Variants in GBF1 observed in about 807,000 individuals in gnomAD.
GBF1 encodes the protein Golgi-specific brefeldin A-resistance guanine nucleotide exchange factor 1.
Under a neutral mutation model 210.5 loss-of-function variants are expected in GBF1, and 114 were observed. The ratio of observed to expected loss-of-function variants is 0.54; its 90% CI spans 0.47 to 0.63. The LOEUF (loss-of-function observed/expected upper bound fraction) is 0.63. Among genes scored for constraint, GBF1 ranks in the 30% least tolerant of loss-of-function variants. The pLI, the probability that GBF1 is intolerant of heterozygous loss-of-function variation, is 0.00. For synonymous variants in GBF1, 850 were observed against 889.2 expected, an observed-to-expected ratio of 0.96 and a Z score of 0.78; for missense variants, 1,851 against 2,357.7, an observed-to-expected ratio of 0.79 and a Z score of 4.45.
chr10:102,367,423 T>G, intron 20 of GBF1, 55 bp from the exon 21 acceptor site: 1 of 1,237,294 alleles, frequency 8.1e-7, no homozygotes. Context: ...AGGAGTTCCT[T>G]AGGTGGGGCT....
chr10:102,363,953 T>C lies in GBF1; in HGVS notation c.2106+155T>C, dbSNP rs2059758518. On this transcript the variant is annotated intron_variant, in intron 17 of 39. Transcript: ENST00000369983. The surrounding 1 kb of genome is among the most constrained non-coding windows in gnomAD (Gnocchi z 4.2). ...TTGTTGGGACTTCAGCAACTCCCATTTGAAGCCCTTCCCTTACTCCTAAGC... is the reference window on the plus strand; with the variant it reads ...TTGTTGGGACTTCAGCAACTCCCATCTGAAGCCCTTCCCTTACTCCTAAGC... Among the ~76,000 whole-genome samples, 1 of 152,142 alleles carries C rather than the reference T, an allele frequency of 6.6e-6. No individual in the cohort carries two copies. Among genetic ancestry groups the C allele is most frequent in the African/African-American group, 2.4e-5 (1 of 41,430 alleles).
intron 36 of GBF1, 47 bp from the exon 37 acceptor site, chr10:102,380,202 A>T: frequency 7.9e-7 from 1 of 1,265,804 alleles, no homozygotes; most frequent in Non-Finnish European, 1.2e-6. Flanking sequence ...AGAGGGGTCC[A>T]GAGGCTCCTA....
At chr10:102,246,819 T>C (rs571998908) in intron 1 of GBF1, among the ~76,000 whole-genome samples, 3 of 152,158 alleles carry the variant, frequency 2.0e-5, no homozygotes, top group Admixed American at 6.5e-5. Flanking sequence ...TAATGCACAA[T>C]GTGGAAACTT....
At chr10:102,243,629 C>A (rs1389305879), upstream of GBF1, among the ~76,000 whole-genome samples, 1 of 152,180 alleles carries the variant, frequency 6.6e-6, no homozygotes, top group African/African-American at 2.4e-5. Flanking sequence ...AGGCCCAGGA[C>A]ACCAACTCTC....
At position 102,370,790 on chromosome 10, in the gene GBF1, T is replaced by C; in HGVS notation, c.3590T>C (p.Val1197Ala). 6.2e-7 allele frequency: 1 copy of C among 1,614,074 alleles called. No individual in the cohort carries two copies. Among genetic ancestry groups the C allele is most frequent in the Non-Finnish European group, 8.5e-7 (1 of 1,179,922 alleles). Residue 1197 changes from valine (V) to alanine (A), a missense_variant, in exon 29 of 40, where the codon GTG (valine) becomes GCG (alanine). Physicochemically the swap from Val to Ala is moderately conservative, Grantham distance 64. Transcript: ENST00000369983. ...CAGGCACAAGATTTCTGCTTCCTTG[T>C]GGAGCGGGCAGTGGTGGGGTTGCTA... The part of the protein sequence containing the change: ...CVQAQDFCFL[V>A]ERAVVGLLRL...
chr10:102,371,744 C>G (rs949985077), intron 29 of GBF1, among the ~76,000 whole-genome samples: 8 of 152,138 alleles, frequency 5.3e-5, no homozygotes, highest in Admixed American at 5.2e-4. Flanking sequence ...GCCTGGCCAA[C>G]ATGGTGAAAC....
chr10:102,362,883 A>T lies in GBF1; in HGVS notation c.1876+219A>T, dbSNP rs552122803. On this transcript the variant is annotated intron_variant, in intron 15 of 39. Transcript: ENST00000369983. ...CCCCACTTTGGTTTTTTACAGAATT[A>T]TTATTTCTTTATGGCAAGAGAAGAG... Among the ~76,000 whole-genome samples the T allele has an allele frequency of 2.6e-5, 4 of 152,232 alleles. No individual in the cohort carries two copies. In the East Asian group the frequency reaches 7.7e-4, roughly 29 times the overall value.
chr10:102,302,733 A>C (rs978884677), intron 3 of GBF1, among the ~76,000 whole-genome samples: 2 of 152,116 alleles, frequency 1.3e-5, no homozygotes, highest in African/African-American at 4.8e-5. Context: ...TTTGCCCCCC[A>C]GAGAAAGTCT....
At chr10:102,337,604 C>A (rs148339700) in intron 3 of GBF1, among the ~76,000 whole-genome samples, 1,564 of 152,212 alleles carry the variant, frequency 0.01, 23 homozygotes, top group African/African-American at 0.036. Context: ...GTAATCACAG[C>A]ACTTTGGGAG....
intron 23 of GBF1, 61 bp from the exon 24 acceptor site, chr10:102,369,150 A>C: frequency 8.1e-7 from 1 of 1,240,926 alleles, no homozygotes; most frequent in Non-Finnish European, 1.2e-6. Flanking sequence ...GCAGAGACCT[A>C]AGAGATTTTC....
Position 102,352,439 on chromosome 10 carries a change from T to C in GBF1, c.524-19T>C. Reference sequence around the variant, plus strand: ...ACAGCAAGTAATGACACCTGTGTTATTTGTTTTTGCCTGTGCAGAGTTATT... The same window carrying C: ...ACAGCAAGTAATGACACCTGTGTTACTTGTTTTTGCCTGTGCAGAGTTATT... On this transcript the variant is annotated intron_variant, in intron 6 of 39. Coordinates refer to ENST00000369983, the MANE Select transcript of GBF1 (RefSeq NM_001377137.1). 6.4e-7 allele frequency: 1 copy of C among 1,569,338 alleles called. No individual in the cohort carries two copies. The highest frequency in any genetic ancestry group is 8.8e-7 in the Non-Finnish European group (1 of 1,139,124).
chr10:102,358,265 C>A, intron 9 of GBF1, 79 bp downstream of exon 9: 1 of 1,301,530 alleles, frequency 7.7e-7, no homozygotes, highest in Non-Finnish European at 1.1e-6. Context: ...AATTGAAGAC[C>A]AACCAACTGA....
chr10:102,231,472 G>T, the GBF1 span: 1 of 691,104 alleles, frequency 1.4e-6, no homozygotes, highest in Non-Finnish European at 2.4e-6. Flanking sequence ...GGGAGCCAGG[G>T]TCCGGGGTCC....
the GBF1 span, chr10:102,231,531 C>G: frequency 1.7e-6 from 2 of 1,200,456 alleles, no homozygotes; most frequent in Admixed American, 2.0e-5. Flanking sequence ...GCCTCCGGGT[C>G]GCAGGCTGAG....
chr10:102,334,984 A>G (rs1432588732), intron 3 of GBF1, among the ~76,000 whole-genome samples: 1 of 152,074 alleles, frequency 6.6e-6, no homozygotes, highest in Non-Finnish European at 1.5e-5. Context: ...TTTTAATGTC[A>G]TAATATGGGG....
intron 3 of GBF1, among the ~76,000 whole-genome samples, chr10:102,337,659 C>T (rs1350161784): frequency 1.3e-5 from 2 of 152,134 alleles, no homozygotes; most frequent in South Asian, 2.1e-4. Context: ...CAGTTTGAGA[C>T]CAGCCTGGCC....
intron 29 of GBF1, among the ~76,000 whole-genome samples, chr10:102,373,443 A>G (rs1234949661): frequency 6.6e-6 from 1 of 152,186 alleles, no homozygotes; most frequent in Non-Finnish European, 1.5e-5. Context: ...GGGCGTGGTC[A>G]CACACACCTG....
At chr10:102,334,853 A>C (rs1226097574) in intron 3 of GBF1, among the ~76,000 whole-genome samples, 1 of 152,114 alleles carries the variant, frequency 6.6e-6, no homozygotes. Context: ...CGTCTCAAAA[A>C]AAAAAAAAAA....
intron 3 of GBF1, among the ~76,000 whole-genome samples, chr10:102,288,769 T>TA (rs1211887959): frequency 7.0e-6 from 1 of 142,772 alleles, no homozygotes; most frequent in Non-Finnish European, 1.5e-5. Flanking sequence ...TGTCACTAGA[T>TA]AGATTCATCT....
Sources: allele counts gnomAD v4.1 joint callset (sites outside exome capture counted in the v4.1 genomes callset), GRCh38; gene constraint gnomAD v4.1.1; non-coding constraint Gnocchi (gnomAD v3.1); transcripts MANE v1.5; gene names NCBI Gene and HGNC (gene_info 2026-07-23, HGNC 2026-07-21).